The following LRRC4C variants were observed in gnomAD, a reference collection of about 807,000 sequenced individuals.
The protein encoded by LRRC4C is leucine-rich repeat-containing protein 4C.
A neutral mutation model predicts 33.6 loss-of-function variants in LRRC4C; 5 were observed. The observed-to-expected ratio is 0.15, with a 90% CI of 0.08 to 0.31. The LOEUF is 0.31. Ranked by LOEUF, LRRC4C falls within the 10% of genes least tolerant of loss-of-function variation. The probability of loss-of-function intolerance (pLI) is 1.00; values close to 1 mark genes in which losing one functional copy is unlikely to be tolerated. For missense variants in LRRC4C, 560 were observed against 796.7 expected (o/e 0.70, Z 3.58); for synonymous variants, 329 against 302.0 (o/e 1.09, Z -0.93).
intron 3 of LRRC4C, among the ~76,000 whole-genome samples, chr11:40,363,111 G>GCAGCACTATTTACA: frequency 6.6e-6 from 1 of 152,150 alleles, no homozygotes; most frequent in East Asian, 1.9e-4. Flanking sequence ...GCATGCATAT[G>GCAGCACTATTTACA]TTCATTGCAG....
chr11:40,914,149 A>G (rs1385839179), intron 2 of LRRC4C, among the ~76,000 whole-genome samples: 2 of 152,200 alleles, frequency 1.3e-5, no homozygotes, highest in Non-Finnish European at 2.9e-5. Flanking sequence ...TCCTTCTGAT[A>G]CTATTTCAAT....
chr11:41,019,064 T>C (rs570522732), intron 1 of LRRC4C, among the ~76,000 whole-genome samples: 2 of 152,222 alleles, frequency 1.3e-5, no homozygotes, highest in South Asian at 2.1e-4. Context: ...TTATGTCTTC[T>C]AAAAAATAAT....
chr11:41,277,968 T>G (rs1355649143), intron 1 of LRRC4C, among the ~76,000 whole-genome samples: 3 of 151,970 alleles, frequency 2.0e-5, no homozygotes, highest in African/African-American at 7.3e-5. Context: ...CATTGATGTG[T>G]GGAATCTAAA....
intron 3 of LRRC4C, among the ~76,000 whole-genome samples, chr11:40,511,483 G>T (rs767415711): frequency 2.6e-5 from 4 of 152,130 alleles, no homozygotes; most frequent in Non-Finnish European, 5.9e-5. Context: ...CCTACTAAAT[G>T]CTTCCAGTTT....
chr11:41,042,996 T>G (rs1344625641), intron 1 of LRRC4C, among the ~76,000 whole-genome samples: 1 of 90,288 alleles, frequency 1.1e-5, no homozygotes, highest in Non-Finnish European at 2.6e-5. Context: ...CTGCCACCTG[T>G]TTTGTTTTTT....
At position 40,257,573 on chromosome 11, in the gene LRRC4C, A is replaced by C. The variant is rs113851557; in HGVS notation, c.-175-15975T>G. 7.6e-3 allele frequency among the ~76,000 whole-genome samples: 1,160 copies of C among 152,286 alleles called. 14 individuals are homozygous for C. The highest frequency in any genetic ancestry group is 0.027 in the African/African-American group (1,112 of 41,568). ...AGAGTCATCTTGACTCGCCTAAGAC[A>C]ATCATGGCTGCCTCACTTTCTTTCC... On this transcript the variant is annotated intron_variant, in intron 4 of 6. Coordinates refer to ENST00000528697, the MANE Select transcript of LRRC4C (RefSeq NM_001258419.2).
At chr11:40,555,627 C>T (rs1957304046) in intron 3 of LRRC4C, among the ~76,000 whole-genome samples, 1 of 152,124 alleles carries the variant, frequency 6.6e-6, no homozygotes, top group Non-Finnish European at 1.5e-5. Context: ...CCCTGGGCCA[C>T]ACTGGAAGAA....
At chr11:41,250,533 A>G (rs767949502) in intron 1 of LRRC4C, among the ~76,000 whole-genome samples, 1 of 152,210 alleles carries the variant, frequency 6.6e-6, no homozygotes, top group African/African-American at 2.4e-5. Flanking sequence ...ATATTGATTT[A>G]GAGAAATCCA....
intron 3 of LRRC4C, among the ~76,000 whole-genome samples, chr11:40,505,821 T>G (rs1565455704): frequency 6.6e-6 from 1 of 152,160 alleles, no homozygotes; most frequent in East Asian, 1.9e-4. Context: ...ATATCATTTT[T>G]GACCTCCCCC....
chr11:40,384,638 T>C (rs1949033194), intron 3 of LRRC4C, among the ~76,000 whole-genome samples: 1 of 152,202 alleles, frequency 6.6e-6, no homozygotes, highest in Non-Finnish European at 1.5e-5. Flanking sequence ...ATTTGATCTA[T>C]TGAAGAAACA....
chr11:41,457,094 T>A (rs1360394505), intron 1 of LRRC4C, among the ~76,000 whole-genome samples: 2 of 152,214 alleles, frequency 1.3e-5, no homozygotes, highest in African/African-American at 4.8e-5. Flanking sequence ...CAAGTTGGTA[T>A]CTTTTGTTGT....
At chr11:41,043,640 T>TA (rs35604848) in intron 1 of LRRC4C, among the ~76,000 whole-genome samples, 18 of 149,468 alleles carry the variant, frequency 1.2e-4, no homozygotes, top group Admixed American at 4.0e-4. Flanking sequence ...AACCAAGGCA[T>TA]AAAAAAAAAA....
chr11:40,814,804 A>C (rs1266290454), intron 2 of LRRC4C, among the ~76,000 whole-genome samples: 2 of 151,994 alleles, frequency 1.3e-5, no homozygotes, highest in Admixed American at 1.3e-4. Context: ...AGCAAAAGTG[A>C]CATTTACTCC....
At chr11:41,421,958 G>A (rs1954886343) in intron 1 of LRRC4C, among the ~76,000 whole-genome samples, 1 of 151,982 alleles carries the variant, frequency 6.6e-6, no homozygotes, top group South Asian at 2.1e-4. Context: ...TGTATCTTTA[G>A]CTGTGTATTT....
intron 2 of LRRC4C, among the ~76,000 whole-genome samples, chr11:40,655,593 C>T (rs1178531010): frequency 6.6e-6 from 1 of 152,122 alleles, no homozygotes; most frequent in Non-Finnish European, 1.5e-5. Context: ...GTTTGAAGAC[C>T]TCTACAGAAA....
At chr11:41,190,305 C>G (rs1945884725) in intron 1 of LRRC4C, among the ~76,000 whole-genome samples, 1 of 152,154 alleles carries the variant, frequency 6.6e-6, no homozygotes, top group South Asian at 2.1e-4. Flanking sequence ...TAAACAGCTT[C>G]ATCTGTTAAT....
chr11:40,499,350 C>T (rs1954629013), intron 3 of LRRC4C, among the ~76,000 whole-genome samples: 1 of 152,136 alleles, frequency 6.6e-6, no homozygotes, highest in Non-Finnish European at 1.5e-5. Flanking sequence ...TCTGCATATC[C>T]AAGCATCCTG....
At chr11:40,234,748 C>A (rs1159552207) in intron 5 of LRRC4C, among the ~76,000 whole-genome samples, 1 of 152,140 alleles carries the variant, frequency 6.6e-6, no homozygotes, top group Non-Finnish European at 1.5e-5. Context: ...TCCAGCCTGG[C>A]CAACAGAGAG....
intron 1 of LRRC4C, among the ~76,000 whole-genome samples, chr11:41,434,870 T>C (rs1288164127): frequency 6.6e-6 from 1 of 152,202 alleles, no homozygotes; most frequent in Non-Finnish European, 1.5e-5. Context: ...CAGCTAAGAA[T>C]ACTCTTTCTA....
Sources: gnomAD v4.1 joint callset for allele counts (sites outside exome capture counted in the v4.1 genomes callset) on GRCh38, gnomAD v4.1.1 for gene constraint, MANE v1.5 for transcripts, NCBI Gene and HGNC (gene_info 2026-07-23, HGNC 2026-07-21) for gene names.